Variants in GAS7 observed in about 807,000 individuals in gnomAD.
GAS7 encodes the protein growth arrest specific 7.
GAS7 carries 28 observed loss-of-function variants against 71.1 expected under a neutral mutation model. That is an observed-to-expected ratio of 0.39 (90% CI 0.29 to 0.54). The LOEUF is 0.54. Ranked by LOEUF, GAS7 falls within the 20% of genes least tolerant of loss-of-function variation. The pLI, the probability that GAS7 is intolerant of heterozygous loss-of-function variation, is 0.62. For synonymous variants in GAS7, 258 were observed against 245.8 expected (o/e 1.05, Z -0.46); for missense variants, 436 against 627.8 (o/e 0.69, Z 3.27).
At chr17:10,181,490 G>C (rs757057336) in intron 1 of GAS7, among the ~76,000 whole-genome samples, 1 of 152,202 alleles carries the variant, frequency 6.6e-6, no homozygotes, top group Non-Finnish European at 1.5e-5. Context: ...AGCATGCACA[G>C]GGTACAGAAG....
chr17:10,154,949 C>T (rs1168626311), intron 1 of GAS7, among the ~76,000 whole-genome samples: 3 of 134,226 alleles, frequency 2.2e-5, no homozygotes, highest in East Asian at 2.1e-4. Context: ...CACACACACA[C>T]ACACACAAAA....
intron 1 of GAS7, among the ~76,000 whole-genome samples, chr17:10,117,692 G>A (rs1051524836): frequency 5.3e-5 from 8 of 152,124 alleles, no homozygotes; most frequent in African/African-American, 1.7e-4. Flanking sequence ...GCAGAAGCAC[G>A]ATGTGTTCAG....
intron 2 of GAS7, among the ~76,000 whole-genome samples, chr17:9,991,875 G>T (rs944543031): frequency 2.0e-5 from 3 of 151,776 alleles, no homozygotes; most frequent in African/African-American, 7.3e-5. Flanking sequence ...GAGAAACTGA[G>T]AAGACACCTT....
Position 9,915,323 on chromosome 17 carries a change from T to C in GAS7, c.*1905A>G. On this transcript the variant is annotated 3_prime_UTR_variant, in exon 14 of 14. Transcript: ENST00000432992. The stretch of plus-strand genomic sequence containing the variant: ...TTTGGAAATCATCCACAGAGTAGTT[T>C]ACTAAGCCACAAAGCAATTACCACT... 4.3e-6 allele frequency: 1 copy of C among 230,872 alleles called. No individual in the cohort carries two copies. The highest frequency in any genetic ancestry group is 6.2e-5 in the East Asian group (1 of 16,174). The allele number at this position is 230,872 out of a possible 1,614,324, so 14.3% of individuals were successfully genotyped here.
At chr17:10,071,113 C>G (rs2073335885) in intron 1 of GAS7, among the ~76,000 whole-genome samples, 2 of 151,662 alleles carry the variant, frequency 1.3e-5, no homozygotes, top group Admixed American at 6.6e-5. Context: ...GGGTCCCACA[C>G]AGAAGCCAGT....
intron 1 of GAS7, among the ~76,000 whole-genome samples, chr17:10,095,801 C>CAAA (rs58811317): frequency 9.1e-6 from 1 of 110,116 alleles, no homozygotes. Context: ...GACTCCATCT[C>CAAA]AAAAAAAAAA....
chr17:10,170,851 T>C (rs1437410834), intron 1 of GAS7, among the ~76,000 whole-genome samples: 1 of 152,240 alleles, frequency 6.6e-6, no homozygotes, highest in African/African-American at 2.4e-5. Flanking sequence ...AGCAGCTCTG[T>C]CACCTCGGAG....
intron 1 of GAS7, among the ~76,000 whole-genome samples, chr17:10,179,796 C>T (rs1037691030): frequency 1.3e-5 from 2 of 152,020 alleles, no homozygotes; most frequent in Admixed American, 6.6e-5. Context: ...AGACAAGGTC[C>T]CCACCCAAAA....
intron 13 of GAS7, 21 bp downstream of exon 13, chr17:9,917,980 C>G: frequency 6.3e-7 from 1 of 1,576,122 alleles, no homozygotes; most frequent in South Asian, 1.1e-5. Flanking sequence ...GCCCGGGAGC[C>G]CCGCTGGGCT....
intron 1 of GAS7, among the ~76,000 whole-genome samples, chr17:10,128,809 T>C (rs919655208): frequency 6.0e-5 from 9 of 150,940 alleles, no homozygotes; most frequent in East Asian, 2.0e-4. Flanking sequence ...GTAGTAGACA[T>C]GGGTTTTCAC....
At chr17:9,982,805 AGGAAAGAAAGGAAAGAAAG>A (rs1567852973) in intron 2 of GAS7, among the ~76,000 whole-genome samples, 3 of 125,122 alleles carry the variant, frequency 2.4e-5, no homozygotes, top group African/African-American at 9.5e-5. Flanking sequence ...AAGGAAAGAA[AGGAAAGAAAGGAAAGAAAG>A]GAAAGAAAGA....
chr17:9,950,257 C>G (rs1222961561), intron 5 of GAS7, among the ~76,000 whole-genome samples: 1 of 151,944 alleles, frequency 6.6e-6, no homozygotes, highest in African/African-American at 2.4e-5. Context: ...TCTGTAATCC[C>G]AAGACTTTGG....
At chr17:9,995,465 G>A (rs1416565395) in intron 2 of GAS7, among the ~76,000 whole-genome samples, 2 of 151,218 alleles carry the variant, frequency 1.3e-5, no homozygotes, top group African/African-American at 2.4e-5. Context: ...ACCTATCAGT[G>A]AGCAGCCCAG....
intron 2 of GAS7, among the ~76,000 whole-genome samples, chr17:9,985,031 C>G (rs1315307937): frequency 6.6e-6 from 1 of 152,180 alleles, no homozygotes; most frequent in Non-Finnish European, 1.5e-5. Context: ...CCTGGGTTCC[C>G]TGGCCCCTGG....
chr17:10,150,415 TACACACACACACACACACACAC>T (rs3051267), intron 1 of GAS7, among the ~76,000 whole-genome samples: 1 of 145,804 alleles, frequency 6.9e-6, no homozygotes, highest in African/African-American at 2.6e-5. Flanking sequence ...ACTGGTTAAG[TACACACACACACACACACACAC>T]ACACACACAC....
intron 1 of GAS7, among the ~76,000 whole-genome samples, chr17:10,113,864 T>C (rs1366823093): frequency 6.6e-6 from 1 of 152,192 alleles, no homozygotes; most frequent in African/African-American, 2.4e-5. Flanking sequence ...ATTTGATAAG[T>C]ATAAAATTAA....
intron 1 of GAS7, among the ~76,000 whole-genome samples, chr17:10,115,920 A>C (rs923892115): frequency 2.0e-5 from 3 of 152,132 alleles, no homozygotes; most frequent in African/African-American, 7.2e-5. Flanking sequence ...AGCTCTCCCA[A>C]ACAGATCATC....
intron 1 of GAS7, among the ~76,000 whole-genome samples, chr17:10,076,912 AC>A (rs1387165932): frequency 1.3e-5 from 2 of 152,136 alleles, no homozygotes; most frequent in Non-Finnish European, 2.9e-5. Flanking sequence ...CTTACATTTC[AC>A]CTGTTTTACC....
At chr17:10,083,292 T>C (rs930521846) in intron 1 of GAS7, among the ~76,000 whole-genome samples, 4 of 152,316 alleles carry the variant, frequency 2.6e-5, no homozygotes, top group South Asian at 2.1e-4. Context: ...CTTGGGAGGC[T>C]GAGATGGGTG....
Sources: gnomAD v4.1 joint callset for allele counts (sites outside exome capture counted in the v4.1 genomes callset) on GRCh38, gnomAD v4.1.1 for gene constraint, MANE v1.5 for transcripts, NCBI Gene and HGNC (gene_info 2026-07-23, HGNC 2026-07-21) for gene names.